TMEM163: variants seen among roughly 807,000 people sequenced by gnomAD.
The protein encoded by TMEM163 is transmembrane protein 163.
TMEM163 carries 17 observed loss-of-function variants against 29.3 expected under a neutral mutation model. The ratio of observed to expected loss-of-function variants is 0.58; its 90% CI spans 0.40 to 0.87. TMEM163 has a LOEUF of 0.87. Among genes scored for constraint, TMEM163 ranks in the 40% least tolerant of loss-of-function variants. TMEM163 has a pLI of 0.00. For synonymous variants in TMEM163, 157 were observed against 160.6 expected, an observed-to-expected ratio of 0.98 and a Z score of 0.17; for missense variants, 303 against 381.5, an observed-to-expected ratio of 0.79 and a Z score of 1.71.
At chr2:134,685,897 C>T (rs1365939486) in intron 2 of TMEM163, among the ~76,000 whole-genome samples, 1 of 152,194 alleles carries the variant, frequency 6.6e-6, no homozygotes, top group Non-Finnish European at 1.5e-5. Context: ...ATTCCAACCC[C>T]GAATGGCCTA....
At chr2:134,516,445 T>G (rs925746725) in intron 4 of TMEM163, among the ~76,000 whole-genome samples, 5 of 151,662 alleles carry the variant, frequency 3.3e-5, no homozygotes, top group African/African-American at 1.2e-4. Flanking sequence ...CCTGTAATCC[T>G]AGCTACTCGG....
chr2:134,664,581 C>G (rs1286177366), intron 2 of TMEM163, among the ~76,000 whole-genome samples: 3 of 152,002 alleles, frequency 2.0e-5, no homozygotes, highest in Non-Finnish European at 2.9e-5. Context: ...CTGCTAAACC[C>G]GAAGTATAAT....
chr2:134,696,868 C>G (rs1684593276), intron 2 of TMEM163, among the ~76,000 whole-genome samples: 1 of 152,156 alleles, frequency 6.6e-6, no homozygotes, highest in South Asian at 2.1e-4. Flanking sequence ...CTCCACCTCC[C>G]AGGTTCAAGC....
intron 4 of TMEM163, among the ~76,000 whole-genome samples, chr2:134,531,415 G>A (rs1269270801): frequency 3.3e-5 from 5 of 152,142 alleles, no homozygotes; most frequent in Admixed American, 1.3e-4. Context: ...CTACCCACTC[G>A]GTGACGGTGT....
Position 134,653,819 on chromosome 2 carries a change from A to C in TMEM163, c.322+59381T>G, listed in dbSNP as rs1187735943. On this transcript the variant is annotated intron_variant, in intron 2 of 7. Coordinates refer to ENST00000281924, the MANE Select transcript of TMEM163 (RefSeq NM_030923.5). Reference sequence around the variant, plus strand: ...TTCGTTACGTACCCAGTAGTCATTCAGGAGCAGGTTGTTCAGTTTCCATGT... The same window carrying C: ...TTCGTTACGTACCCAGTAGTCATTCCGGAGCAGGTTGTTCAGTTTCCATGT... Among the ~76,000 whole-genome samples the C allele has an allele frequency of 3.3e-5, 4 of 121,826 alleles. 1 individual carries two copies. The highest frequency in any genetic ancestry group is 7.9e-5 in the Admixed American group (1 of 12,588). The allele number at this position is 121,826 out of a possible 152,430, so 79.9% of individuals were successfully genotyped here.
At chr2:134,483,096 C>T (rs642339) in intron 5 of TMEM163, among the ~76,000 whole-genome samples, 24,958 of 152,130 alleles carry the variant, frequency 0.16, 2,236 homozygotes, top group South Asian at 0.26. Flanking sequence ...AGCTCCGTGA[C>T]AATGAGGGCA....
intron 2 of TMEM163, among the ~76,000 whole-genome samples, chr2:134,561,313 C>CCAGCCT (rs1681176155): frequency 6.6e-6 from 1 of 152,246 alleles, no homozygotes; most frequent in South Asian, 2.1e-4. Context: ...ACGCCATTCT[C>CCAGCCT]CAGCCTCAGC....
At chr2:134,463,436 C>T (rs1281139322) in intron 6 of TMEM163, among the ~76,000 whole-genome samples, 1 of 152,200 alleles carries the variant, frequency 6.6e-6, no homozygotes, top group African/African-American at 2.4e-5. Flanking sequence ...GAACTCCCTA[C>T]CCCAAATCCC....
intron 4 of TMEM163, among the ~76,000 whole-genome samples, chr2:134,537,653 A>G (rs1680570671): frequency 1.3e-5 from 2 of 152,230 alleles, no homozygotes; most frequent in Non-Finnish European, 2.9e-5. Flanking sequence ...AGATCTTTGC[A>G]TCCACTAATA....
intron 2 of TMEM163, among the ~76,000 whole-genome samples, chr2:134,577,595 G>A (rs1204161459): frequency 1.3e-5 from 2 of 152,160 alleles, no homozygotes; most frequent in African/African-American, 2.4e-5. Context: ...CCAGGAGAGA[G>A]GGGGCAGGAA....
chr2:134,602,773 C>G (rs925776277), intron 2 of TMEM163, among the ~76,000 whole-genome samples: 6 of 152,074 alleles, frequency 3.9e-5, no homozygotes, highest in African/African-American at 1.4e-4. Flanking sequence ...TGCTCTCTTC[C>G]CCAGGCCCTC....
chr2:134,548,521 G>A (rs12472783), intron 4 of TMEM163, among the ~76,000 whole-genome samples: 19,010 of 152,132 alleles, frequency 0.12, 2,622 homozygotes, highest in African/African-American at 0.34. Context: ...TACTCTCTAG[G>A]CTTCTTATTG....
intron 2 of TMEM163, among the ~76,000 whole-genome samples, chr2:134,622,468 CAT>C (rs1476160237): frequency 4.6e-5 from 7 of 152,298 alleles, no homozygotes; most frequent in South Asian, 2.1e-4. Flanking sequence ...GCATCACTAA[CAT>C]ATTGCGGTGA....
intron 4 of TMEM163, among the ~76,000 whole-genome samples, chr2:134,541,857 C>T (rs1389477774): frequency 6.6e-6 from 1 of 152,084 alleles, no homozygotes; most frequent in Admixed American, 6.6e-5. Flanking sequence ...CCTGGAAGTC[C>T]CCATAACAAG....
intron 2 of TMEM163, among the ~76,000 whole-genome samples, chr2:134,574,135 C>CTCAAACT (rs1681494513): frequency 6.6e-6 from 1 of 152,206 alleles, no homozygotes; most frequent in Non-Finnish European, 1.5e-5. Context: ...CTACCAAACA[C>CTCAAACT]CGTAGCAGCA....
At chr2:134,487,555 A>T (rs1251296239) in intron 5 of TMEM163, among the ~76,000 whole-genome samples, 1 of 152,234 alleles carries the variant, frequency 6.6e-6, no homozygotes, top group Non-Finnish European at 1.5e-5. Context: ...ACCAGTTTTG[A>T]AATTCGTATG....
chr2:134,718,862 G>C lies in TMEM163; in HGVS notation c.74C>G (p.Ala25Gly), dbSNP rs1216061781. 1.3e-5 allele frequency: 14 copies of C among 1,111,646 alleles called. No homozygotes were observed. Among genetic ancestry groups the C allele is most frequent in the Non-Finnish European group, 1.5e-5 (14 of 912,104 alleles). 68.9% of individuals were successfully genotyped at this position (1,111,646 alleles called of 1,614,324 possible). A position where few individuals can be genotyped will look rare whatever the true frequency, so the allele number is the denominator to read the frequency against. ...PTVPPPPRGH[A>G]PPAAAPGPAP... is the part of the protein sequence containing the mutation. ...CGGGCCGGGGGCGGCAGCCGGTGGC[G>C]CGTGGCCCCGGGGCGGCGGCGGGAC... Residue 25 changes from alanine (A) to glycine (G), a missense_variant, in exon 1 of 8, where the codon GCG becomes GGG. Ala to Gly is a moderately conservative substitution (Grantham distance 60, BLOSUM62 0). Transcript: ENST00000281924.
intron 2 of TMEM163, among the ~76,000 whole-genome samples, chr2:134,626,711 A>T (rs367885781): frequency 1.3e-5 from 2 of 152,366 alleles, no homozygotes; most frequent in East Asian, 3.9e-4. Flanking sequence ...GCCTATCACA[A>T]GTATTCATAA....
chr2:134,673,312 C>A (rs1471728758), intron 2 of TMEM163, among the ~76,000 whole-genome samples: 1 of 152,134 alleles, frequency 6.6e-6, no homozygotes, highest in Non-Finnish European at 1.5e-5. Flanking sequence ...CCACCTTATA[C>A]CCGAGGCTCA....
Sources: allele counts gnomAD v4.1 joint callset (sites outside exome capture counted in the v4.1 genomes callset), GRCh38; gene constraint gnomAD v4.1.1; transcripts MANE v1.5; gene names NCBI Gene and HGNC (gene_info 2026-07-23, HGNC 2026-07-21).